SMURF2: variants seen among roughly 807,000 people sequenced by gnomAD.
SMURF2 encodes the protein E3 ubiquitin-protein ligase SMURF2.
SMURF2 carries 48 observed loss-of-function variants against 109.6 expected under a neutral mutation model. The ratio of observed to expected loss-of-function variants is 0.44; its 90% confidence interval spans 0.35 to 0.56. The LOEUF (loss-of-function observed/expected upper bound fraction) is 0.56, where lower values mean the gene tolerates loss of function less well. Ranked by LOEUF, SMURF2 falls within the 20% of genes least tolerant of loss-of-function variation. The probability of loss-of-function intolerance (pLI) is 0.01; values close to 1 mark genes in which losing one functional copy is unlikely to be tolerated. For missense variants in SMURF2, 575 were observed against 909.0 expected (o/e 0.63, Z 4.72); for synonymous variants, 288 against 317.1 (o/e 0.91, Z 0.97).
intron 10 of SMURF2, among the ~76,000 whole-genome samples, chr17:64,570,997 GGTCTTGA>G (rs1183314388): frequency 6.6e-6 from 1 of 151,890 alleles, no homozygotes; most frequent in Non-Finnish European, 1.5e-5. Flanking sequence ...TGGCCAGGTT[GGTCTTGA>G]ACTCCTAGGC....
chr17:64,588,540 A>AT (rs1969700787), intron 5 of SMURF2, among the ~76,000 whole-genome samples: 1 of 152,108 alleles, frequency 6.6e-6, no homozygotes, highest in South Asian at 2.1e-4. Context: ...GTTCACTGGA[A>AT]TTAAAGACAT....
chr17:64,604,966 T>A (rs1969949403), intron 2 of SMURF2, among the ~76,000 whole-genome samples: 1 of 150,402 alleles, frequency 6.6e-6, no homozygotes, highest in Non-Finnish European at 1.5e-5. Flanking sequence ...GGAAAAGTGC[T>A]CCCCTTACTT....
At chr17:64,626,816 T>C (rs946582383) in intron 1 of SMURF2, among the ~76,000 whole-genome samples, 13 of 151,938 alleles carry the variant, frequency 8.6e-5, no homozygotes, top group South Asian at 2.1e-4. Context: ...CACTTTGTCA[T>C]TAAAAAATTG....
At chr17:64,575,096 TTTTC>T (rs1472031149) in intron 9 of SMURF2, among the ~76,000 whole-genome samples, 1 of 150,628 alleles carries the variant, frequency 6.6e-6, no homozygotes, top group African/African-American at 2.5e-5. Context: ...TGGATTTTTT[TTTTC>T]TTTTTTTAGT....
In SMURF2 at chr17:64,581,404, A is replaced by G. The variant is rs1479846130; in HGVS notation, c.570-413T>C. Among the ~76,000 whole-genome samples the G allele has an allele frequency of 6.6e-6, 1 of 152,018 alleles. No homozygotes were observed. Among genetic ancestry groups the G allele is most frequent in the African/African-American group, 2.4e-5 (1 of 41,376 alleles). ...ACTTGCCAAGGTCATTCCACCTGAG[A>G]GCAGTTGCTCTTCCTTCCATCTGGC... On this transcript the variant is annotated intron_variant, in intron 7 of 18. Coordinates refer to ENST00000262435, the MANE Select transcript of SMURF2 (RefSeq NM_022739.4). This position sits in a 1 kb window ranked among gnomAD's most constrained non-coding sequence, Gnocchi z 4.3.
chr17:64,633,220 T>A (rs922463999), intron 1 of SMURF2, among the ~76,000 whole-genome samples: 10 of 152,186 alleles, frequency 6.6e-5, no homozygotes, highest in African/African-American at 2.4e-4. Context: ...CAGTGAGCCA[T>A]GATCATATCA....
At chr17:64,597,522 C>T (rs782436697) in intron 3 of SMURF2, among the ~76,000 whole-genome samples, 4 of 152,012 alleles carry the variant, frequency 2.6e-5, no homozygotes, top group South Asian at 2.1e-4. Flanking sequence ...TCTGTAATCC[C>T]GGCACTTTGG....
chr17:64,566,835 G>A (rs1172237849), intron 10 of SMURF2, among the ~76,000 whole-genome samples: 2 of 150,460 alleles, frequency 1.3e-5, no homozygotes, highest in African/African-American at 4.9e-5. Context: ...CTCCCAAAGC[G>A]CTGGGATTAC....
chr17:64,574,605 A>G (rs1364356250), intron 9 of SMURF2, among the ~76,000 whole-genome samples: 2 of 152,250 alleles, frequency 1.3e-5, no homozygotes, highest in Non-Finnish European at 2.9e-5. Flanking sequence ...TACAAAAGGC[A>G]TATTTGCTAA....
At chr17:64,612,157 G>A (rs782561622) in intron 1 of SMURF2, among the ~76,000 whole-genome samples, 7 of 151,994 alleles carry the variant, frequency 4.6e-5, no homozygotes, top group Non-Finnish European at 8.8e-5. Flanking sequence ...TTTAAGTTTG[G>A]AATGTTGCTT....
At chr17:64,638,122 G>A (rs1555692277) in intron 1 of SMURF2, among the ~76,000 whole-genome samples, 1 of 146,306 alleles carries the variant, frequency 6.8e-6, no homozygotes, top group African/African-American at 2.6e-5. Flanking sequence ...GAGTGCAGTG[G>A]CACGATCTTG....
Position 64,581,381 on chromosome 17 carries a change from T to A in SMURF2, c.570-390A>T, listed in dbSNP as rs1969576769. Among the ~76,000 whole-genome samples, 1 of 152,204 alleles carries A rather than the reference T, an allele frequency of 6.6e-6. No homozygotes were observed. The highest frequency in any genetic ancestry group is 2.4e-5 in the African/African-American group (1 of 41,456). On this transcript the variant is annotated intron_variant, in intron 7 of 18. Transcript: ENST00000262435. This position sits in a 1 kb window ranked among gnomAD's most constrained non-coding sequence, Gnocchi z 4.3. ...CTCATATTCTTCCTGTTCCTTGAAC[T>A]TGCCAAGGTCATTCCACCTGAGAGC...
intron 9 of SMURF2, among the ~76,000 whole-genome samples, chr17:64,573,492 T>C (rs989574019): frequency 2.0e-5 from 3 of 152,134 alleles, no homozygotes; most frequent in African/African-American, 4.8e-5. Context: ...ACTTCTGCTA[T>C]AGGTGTTCCA....
chr17:64,584,382 CAG>C lies in SMURF2; in HGVS notation c.486-840_486-839del, dbSNP rs562284736. ...TTTTCTTTTTTTTTTTTTTTTGAGA[CAG>C]AGTCTTGCTCCTTCGCCAGGCTGGA... On this transcript the variant is annotated intron_variant, in intron 6 of 18. Coordinates refer to ENST00000262435, the MANE Select transcript of SMURF2 (RefSeq NM_022739.4). Among the ~76,000 whole-genome samples, 236 of 102,498 alleles carry C rather than the reference CAG, an allele frequency of 2.3e-3. 1 individual carries two copies. The highest frequency in any genetic ancestry group is 0.013 in the African/African-American group (223 of 17,612). The allele number at this position is 102,498 out of a possible 152,430, so 67.2% of individuals were successfully genotyped here.
intron 2 of SMURF2, among the ~76,000 whole-genome samples, chr17:64,603,006 T>G (rs1456529873): frequency 2.0e-5 from 3 of 151,422 alleles, no homozygotes; most frequent in African/African-American, 7.3e-5. Flanking sequence ...CTCAAAAACC[T>G]CCTTACTACA....
At chr17:64,651,344 G>A (rs1323994896) in intron 1 of SMURF2, among the ~76,000 whole-genome samples, 1 of 151,984 alleles carries the variant, frequency 6.6e-6, no homozygotes, top group Non-Finnish European at 1.5e-5. Context: ...AGGCTGAGGC[G>A]GGTGGATCAT....
At chr17:64,599,558 C>T (rs1242335143) in intron 2 of SMURF2, among the ~76,000 whole-genome samples, 1 of 152,124 alleles carries the variant, frequency 6.6e-6, no homozygotes, top group Admixed American at 6.5e-5. Context: ...AGGAAGTGAG[C>T]GGTGGGAGAG....
chr17:64,553,723 C>T (rs894812128), intron 15 of SMURF2, among the ~76,000 whole-genome samples: 12 of 152,076 alleles, frequency 7.9e-5, no homozygotes, highest in Non-Finnish European at 4.4e-5. Flanking sequence ...CGTCTTTCCC[C>T]GTATTCGTTC....
At chr17:64,634,687 C>T (rs1970391855) in intron 1 of SMURF2, among the ~76,000 whole-genome samples, 1 of 152,256 alleles carries the variant, frequency 6.6e-6, no homozygotes, top group South Asian at 2.1e-4. Flanking sequence ...CAGATTTATG[C>T]TGTTTTCATT....
Sources: gnomAD v4.1 joint callset for allele counts (sites outside exome capture counted in the v4.1 genomes callset) on GRCh38, gnomAD v4.1.1 for gene constraint, Gnocchi (gnomAD v3.1) non-coding constraint, MANE v1.5 for transcripts, NCBI Gene and HGNC (gene_info 2026-07-23, HGNC 2026-07-21) for gene names.